KCNH1: variants seen among roughly 807,000 people sequenced by gnomAD.
KCNH1 encodes potassium voltage-gated channel subfamily H member 1, also known as voltage-gated delayed rectifier potassium channel KCNH1.
A neutral mutation model predicts 69.2 loss-of-function variants in KCNH1; 27 were observed. The observed-to-expected ratio is 0.39, with a 90% confidence interval of 0.29 to 0.54. The LOEUF (loss-of-function observed/expected upper bound fraction) is 0.54. Among genes scored for constraint, KCNH1 ranks in the 20% least tolerant of loss-of-function variants. The pLI is 0.68. For synonymous variants in KCNH1, 456 were observed against 487.7 expected (o/e 0.93, Z 0.86); for missense variants, 798 against 1,261.6 (o/e 0.63, Z 5.57).
At chr1:210,693,565 A>G (rs17188472) in intron 10 of KCNH1, among the ~76,000 whole-genome samples, 2,575 of 152,278 alleles carry the variant, frequency 0.017, 35 homozygotes, top group Middle Eastern at 0.031. Context: ...AACATGGCCC[A>G]CTTCTAGACA....
intron 7 of KCNH1, among the ~76,000 whole-genome samples, chr1:210,806,094 G>T (rs188053801): frequency 1.3e-5 from 2 of 152,274 alleles, no homozygotes; most frequent in East Asian, 3.9e-4. Context: ...GAGTGAAATT[G>T]CTGGGTCATA....
intron 7 of KCNH1, among the ~76,000 whole-genome samples, chr1:210,868,796 A>C (rs1686172569): frequency 6.6e-6 from 1 of 152,088 alleles, no homozygotes; most frequent in Non-Finnish European, 1.5e-5. Flanking sequence ...CATTTCAAGA[A>C]TATTGACTAT....
At chr1:211,087,129 G>A (rs1571636036) in intron 4 of KCNH1, among the ~76,000 whole-genome samples, 1 of 152,180 alleles carries the variant, frequency 6.6e-6, no homozygotes, top group African/African-American at 2.4e-5. Flanking sequence ...CCAACATGAA[G>A]ATACATGGAG....
At chr1:210,945,321 G>A (rs867369484) in intron 6 of KCNH1, among the ~76,000 whole-genome samples, 1 of 152,192 alleles carries the variant, frequency 6.6e-6, no homozygotes, top group African/African-American at 2.4e-5. Flanking sequence ...GCCAGGCACT[G>A]TATGTTATAA....
intron 9 of KCNH1, among the ~76,000 whole-genome samples, chr1:210,781,219 C>G (rs755336836): frequency 6.6e-6 from 1 of 152,202 alleles, no homozygotes; most frequent in African/African-American, 2.4e-5. Context: ...ACCTTCCACA[C>G]TCTGTACACT....
chr1:210,768,137 T>C (rs1683676813), intron 10 of KCNH1, among the ~76,000 whole-genome samples: 1 of 152,232 alleles, frequency 6.6e-6, no homozygotes, highest in Non-Finnish European at 1.5e-5. Flanking sequence ...TTTTAGCACC[T>C]GATGGGATCT....
At chr1:211,106,032 T>A (rs1433674605) in intron 2 of KCNH1, among the ~76,000 whole-genome samples, 1 of 152,240 alleles carries the variant, frequency 6.6e-6, no homozygotes, top group Non-Finnish European at 1.5e-5. Context: ...TTTAAAATAA[T>A]GTAAAGTGAC....
intron 7 of KCNH1, among the ~76,000 whole-genome samples, chr1:210,850,149 G>C (rs953404080): frequency 2.6e-5 from 4 of 152,104 alleles, no homozygotes; most frequent in African/African-American, 9.7e-5. Flanking sequence ...TCATACATGA[G>C]CTGTGAAAGA....
At chr1:210,970,083 G>GT (rs1323610968) in intron 6 of KCNH1, among the ~76,000 whole-genome samples, 2 of 151,494 alleles carry the variant, frequency 1.3e-5, no homozygotes, top group East Asian at 1.9e-4. Context: ...GTTTTGTTTT[G>GT]TTTTTTTCTC....
At chr1:210,936,342 G>T (rs188510955) in intron 6 of KCNH1, among the ~76,000 whole-genome samples, 1 of 152,208 alleles carries the variant, frequency 6.6e-6, no homozygotes, top group African/African-American at 2.4e-5. Context: ...ATCTTCATAG[G>T]TTGTTCTCAC....
At chr1:210,954,059 C>G (rs1384082166) in intron 6 of KCNH1, among the ~76,000 whole-genome samples, 1 of 151,982 alleles carries the variant, frequency 6.6e-6, no homozygotes, top group African/African-American at 2.4e-5. Flanking sequence ...CCTCCCAGCC[C>G]CCCATCCCAA....
At chr1:210,734,247 AC>A (rs1438616533) in intron 10 of KCNH1, among the ~76,000 whole-genome samples, 1 of 152,080 alleles carries the variant, frequency 6.6e-6, no homozygotes, top group Admixed American at 6.6e-5. Context: ...TTCCTACTGA[AC>A]CCTGTTGAAC....
chr1:210,890,453 C>A (rs1302941322), intron 7 of KCNH1, among the ~76,000 whole-genome samples: 2 of 152,054 alleles, frequency 1.3e-5, no homozygotes, highest in Non-Finnish European at 2.9e-5. Flanking sequence ...AGAAGAAAAC[C>A]TAGGCAATAC....
chr1:211,047,738 A>G (rs4951493), intron 5 of KCNH1, among the ~76,000 whole-genome samples: 120,619 of 152,130 alleles, frequency 0.79, 48,203 homozygotes, highest in African/African-American at 0.85. Context: ...ACTTATGTCA[A>G]CAAAAGAAAT....
At chr1:210,994,001 T>C (rs1392880001) in intron 6 of KCNH1, among the ~76,000 whole-genome samples, 1 of 152,184 alleles carries the variant, frequency 6.6e-6, no homozygotes, top group Non-Finnish European at 1.5e-5. Context: ...TGATGCACTA[T>C]ATAAATATTC....
At chr1:210,983,747 C>G (rs550847827) in intron 6 of KCNH1, among the ~76,000 whole-genome samples, 1 of 152,058 alleles carries the variant, frequency 6.6e-6, no homozygotes, top group African/African-American at 2.4e-5. Context: ...ATCGACTTGG[C>G]GATGCGGGCT....
chr1:210,929,397 C>A (rs1019001945), intron 6 of KCNH1, among the ~76,000 whole-genome samples: 24 of 152,192 alleles, frequency 1.6e-4, no homozygotes, highest in African/African-American at 5.8e-4. Flanking sequence ...AAATGTGATA[C>A]ACCACATAAA....
intron 7 of KCNH1, among the ~76,000 whole-genome samples, chr1:210,907,839 T>C (rs1697621): frequency 0.22 from 33,623 of 152,124 alleles, 4,591 homozygotes; most frequent in African/African-American, 0.38. Context: ...CAAGCACCTA[T>C]GGTCACCCAG....
At chr1:210,987,468 A>C (rs922454550) in intron 6 of KCNH1, among the ~76,000 whole-genome samples, 4 of 152,084 alleles carry the variant, frequency 2.6e-5, no homozygotes, top group Non-Finnish European at 4.4e-5. Flanking sequence ...TTTGGTGTGG[A>C]TGTCCTTTCT....
Sources: gnomAD v4.1 joint callset for allele counts (sites outside exome capture counted in the v4.1 genomes callset) on GRCh38, gnomAD v4.1.1 for gene constraint, MANE v1.5 for transcripts, NCBI Gene and HGNC (gene_info 2026-07-23, HGNC 2026-07-21) for gene names.